The following ARHGAP24 variants were observed in gnomAD, a reference collection of about 807,000 sequenced individuals.
ARHGAP24 encodes the protein Rho GTPase activating protein 24, also known as rho GTPase-activating protein 24.
Under a neutral mutation model 76.4 loss-of-function variants are expected in ARHGAP24, and 50 were observed. The observed-to-expected ratio is 0.65, with a 90% CI of 0.52 to 0.83. ARHGAP24 has a LOEUF of 0.83. Among genes scored for constraint, ARHGAP24 ranks in the 40% least tolerant of loss-of-function variants. The pLI, the probability that ARHGAP24 is intolerant of heterozygous loss-of-function variation, is 0.00. For synonymous variants in ARHGAP24, 345 were observed against 323.3 expected (o/e 1.07, Z -0.72); for missense variants, 930 against 914.2 (o/e 1.02, Z -0.22).
intron 8 of ARHGAP24, among the ~76,000 whole-genome samples, chr4:85,987,258 C>A (rs902809541): frequency 4.6e-5 from 7 of 152,056 alleles, no homozygotes; most frequent in Admixed American, 3.9e-4. Context: ...TTTCTGTACA[C>A]CTGAAACTGC....
chr4:85,635,567 G>C (rs1302706642), intron 2 of ARHGAP24, among the ~76,000 whole-genome samples: 1 of 151,688 alleles, frequency 6.6e-6, no homozygotes, highest in Non-Finnish European at 1.5e-5. Flanking sequence ...TTATTCTCCT[G>C]ATATTTTTGC....
intron 3 of ARHGAP24, among the ~76,000 whole-genome samples, chr4:85,845,008 C>G (rs1183664061): frequency 6.6e-6 from 1 of 152,190 alleles, no homozygotes; most frequent in Non-Finnish European, 1.5e-5. Context: ...TTGGAAAATA[C>G]TAATCTGTTA....
intron 1 of ARHGAP24, among the ~76,000 whole-genome samples, chr4:85,512,043 C>T (rs569646760): frequency 3.2e-4 from 48 of 152,254 alleles, no homozygotes; most frequent in Middle Eastern, 3.4e-3. Context: ...TTATGGCATC[C>T]GTTTAACTAT....
intron 3 of ARHGAP24, among the ~76,000 whole-genome samples, chr4:85,772,093 T>C (rs1394382246): frequency 1.3e-5 from 2 of 152,218 alleles, no homozygotes; most frequent in African/African-American, 4.8e-5. Flanking sequence ...ATCTGGCCTT[T>C]ATTATTGACT....
At chr4:85,495,517 A>ATT (rs70948730) in intron 1 of ARHGAP24, among the ~76,000 whole-genome samples, 2 of 150,292 alleles carry the variant, frequency 1.3e-5, no homozygotes, top group South Asian at 2.1e-4. Flanking sequence ...CGCCCAGCTA[A>ATT]TTTTTTTATA....
At chr4:85,709,768 C>T (rs530585000) in intron 2 of ARHGAP24, among the ~76,000 whole-genome samples, 5 of 152,094 alleles carry the variant, frequency 3.3e-5, no homozygotes, top group Non-Finnish European at 5.9e-5. Context: ...GAACACATGC[C>T]TATTCACAAT....
chr4:85,924,988 G>T (rs1031198308), intron 4 of ARHGAP24, among the ~76,000 whole-genome samples: 1 of 152,068 alleles, frequency 6.6e-6, no homozygotes, highest in African/African-American at 2.4e-5. Flanking sequence ...CAACACATAC[G>T]GTTACCTTAT....
At position 85,522,048 on chromosome 4, in the gene ARHGAP24, T is replaced by C. The variant is rs187551325; in HGVS notation, c.-21+46489T>C. 1.9e-3 allele frequency among the ~76,000 whole-genome samples: 295 copies of C among 152,296 alleles called. 3 individuals are homozygous for C. The highest frequency in any genetic ancestry group is 6.7e-3 in the African/African-American group (278 of 41,572). On this transcript the variant is annotated intron_variant, in intron 1 of 9. Coordinates refer to ENST00000395184, the MANE Select transcript of ARHGAP24 (RefSeq NM_001025616.3). ...AAATAGTATATATCTCAATGTAAAATAGTTTTGATTTTCAGTTGTTTCCAT... is the reference window on the plus strand; with the variant it reads ...AAATAGTATATATCTCAATGTAAAACAGTTTTGATTTTCAGTTGTTTCCAT...
At chr4:85,951,009 G>A (rs1442927690) in intron 5 of ARHGAP24, among the ~76,000 whole-genome samples, 1 of 152,098 alleles carries the variant, frequency 6.6e-6, no homozygotes. Flanking sequence ...CTTATTCTAA[G>A]TGAAATGGAA....
chr4:85,811,530 A>G (rs1729011763), intron 3 of ARHGAP24, among the ~76,000 whole-genome samples: 1 of 152,178 alleles, frequency 6.6e-6, no homozygotes, highest in South Asian at 2.1e-4. Flanking sequence ...CATTTCTATG[A>G]CACAATTTCT....
intron 3 of ARHGAP24, among the ~76,000 whole-genome samples, chr4:85,912,463 T>A (rs1376608316): frequency 6.6e-6 from 1 of 152,188 alleles, no homozygotes; most frequent in East Asian, 1.9e-4. Context: ...ATAAAAAAAA[T>A]TTAAACCCAA....
chr4:85,756,370 A>T (rs1256146135), intron 3 of ARHGAP24, among the ~76,000 whole-genome samples: 2 of 152,208 alleles, frequency 1.3e-5, no homozygotes, highest in Non-Finnish European at 2.9e-5. Flanking sequence ...TTAACATTTG[A>T]CACTGGACTT....
intron 2 of ARHGAP24, among the ~76,000 whole-genome samples, chr4:85,663,272 T>G (rs935215878): frequency 2.1e-5 from 3 of 143,250 alleles, no homozygotes; most frequent in African/African-American, 7.7e-5. Context: ...TTTATTCTCT[T>G]TGAAGCAATT....
At chr4:85,813,820 A>ATATATATATATATATATATATTTATTT in intron 3 of ARHGAP24, among the ~76,000 whole-genome samples, 1 of 79,588 alleles carries the variant, frequency 1.3e-5, no homozygotes, top group Non-Finnish European at 2.3e-5. Context: ...TATTTATTTT[A>ATATATATATATATATATATATTTATTT]TATATATATA....
rs1259032842 is a variant in ARHGAP24 at position 85,651,167 on chromosome 4, C to G, written c.181-70718C>G. ...ACGGGGGAGAGGCAGGAGAGGAGAA[C>G]AGAGGCAGGCCTGAGATCATGTAGG... is the stretch of plus-strand genomic sequence containing the variant. On this transcript the variant is annotated intron_variant, in intron 2 of 9. Coordinates refer to ENST00000395184, the MANE Select transcript of ARHGAP24 (RefSeq NM_001025616.3). Among the ~76,000 whole-genome samples, 5 of 149,196 alleles carry G rather than the reference C, an allele frequency of 3.4e-5. 1 individual carries two copies. The highest frequency in any genetic ancestry group is 1.3e-4 in the African/African-American group (5 of 38,634).
At chr4:85,972,198 C>G (rs755978918) in intron 6 of ARHGAP24, 30 bp downstream of exon 6, 2 of 1,611,308 alleles carry the variant, frequency 1.2e-6, no homozygotes, top group East Asian at 4.5e-5. Context: ...TCCAAATAAG[C>G]TTTTGTTTGG....
intron 3 of ARHGAP24, among the ~76,000 whole-genome samples, chr4:85,812,154 T>A (rs1360116355): frequency 1.3e-5 from 2 of 152,064 alleles, no homozygotes; most frequent in Non-Finnish European, 2.9e-5. Flanking sequence ...CCAGCCTGGG[T>A]GACAGAGTGA....
At chr4:85,514,763 C>T (rs983549587) in intron 1 of ARHGAP24, among the ~76,000 whole-genome samples, 5 of 133,918 alleles carry the variant, frequency 3.7e-5, no homozygotes, top group African/African-American at 1.3e-4. Context: ...TCCCACTTGC[C>T]CAACTGGATC....
chr4:85,536,674 C>T (rs1366939736), intron 1 of ARHGAP24, among the ~76,000 whole-genome samples: 1 of 152,048 alleles, frequency 6.6e-6, no homozygotes, highest in Non-Finnish European at 1.5e-5. Context: ...ATAATAATAG[C>T]ATATATGACA....
Sources: gnomAD v4.1 joint callset for allele counts (sites outside exome capture counted in the v4.1 genomes callset) on GRCh38, gnomAD v4.1.1 for gene constraint, MANE v1.5 for transcripts, NCBI Gene and HGNC (gene_info 2026-07-23, HGNC 2026-07-21) for gene names.